GRHL2: variants seen among roughly 807,000 people sequenced by gnomAD.
GRHL2 encodes the protein grainyhead like transcription factor 2.
A neutral mutation model predicts 83.8 loss-of-function variants in GRHL2; 21 were observed. The observed-to-expected ratio is 0.25, with a 90% CI of 0.18 to 0.36. The LOEUF is 0.36. GRHL2 is among the 10% of genes least tolerant of loss of function. The pLI is 1.00. For missense variants in GRHL2, 623 were observed against 781.8 expected (o/e 0.80, Z 2.42); for synonymous variants, 280 against 278.9 (o/e 1.00, Z -0.04).
chr8:101,602,719 G>A (rs868796169), intron 8 of GRHL2, among the ~76,000 whole-genome samples: 28 of 152,134 alleles, frequency 1.8e-4, no homozygotes, highest in African/African-American at 6.5e-4. Context: ...GCTTTCTCTA[G>A]CATTCTGCAT....
At chr8:101,664,224 G>A (rs182046639) in intron 14 of GRHL2, among the ~76,000 whole-genome samples, 6 of 152,266 alleles carry the variant, frequency 3.9e-5, no homozygotes, top group African/African-American at 1.2e-4. Context: ...GACCTGGAAC[G>A]CTACTTTTAT....
chr8:101,557,748 T>TGA (rs1811517321), intron 3 of GRHL2, among the ~76,000 whole-genome samples: 1 of 152,234 alleles, frequency 6.6e-6, no homozygotes, highest in South Asian at 2.1e-4. Flanking sequence ...GTCAGTAGGA[T>TGA]GTGCTGCATT....
chr8:101,497,244 G>A (rs1208110574), intron 1 of GRHL2, among the ~76,000 whole-genome samples: 1 of 152,122 alleles, frequency 6.6e-6, no homozygotes, highest in Non-Finnish European at 1.5e-5. Context: ...CCTCAGACAC[G>A]CCCACCTCCC....
chr8:101,565,756 C>T (rs184295265), intron 4 of GRHL2, among the ~76,000 whole-genome samples: 75 of 152,262 alleles, frequency 4.9e-4, no homozygotes, highest in African/African-American at 1.7e-3. Context: ...TTTAATTCTC[C>T]CATTAGTCCT....
At chr8:101,678,500 TG>T in the GRHL2 span, among the ~76,000 whole-genome samples, 5,804 of 151,792 alleles carry the variant, frequency 0.038, 372 homozygotes, top group African/African-American at 0.13. Context: ...GCAGCGAGGC[TG>T]GGGAGGGGCG....
At chr8:101,529,485 C>A in intron 1 of GRHL2, 1 of 174,586 alleles carries the variant, frequency 5.7e-6, no homozygotes, top group South Asian at 1.3e-4. Flanking sequence ...GTTTCATTTC[C>A]TTGGTCTCCA....
intron 4 of GRHL2, 47 bp downstream of exon 4, chr8:101,558,859 C>T (rs768988232): frequency 1.2e-4 from 184 of 1,596,278 alleles, no homozygotes; most frequent in Non-Finnish European, 1.6e-4. Context: ...CCCAGAGCCC[C>T]TAGCTAATTT....
At position 101,632,384 on chromosome 8, in the gene GRHL2, C is replaced by T. The variant is rs770025675; in HGVS notation, c.1485+19C>T. ...CGGACAGGTATGACCTACCAGCTAA[C>T]GCCCACCTCCCATCCATCCACAGGG... On this transcript the variant is annotated intron_variant, in intron 11 of 15. Transcript: ENST00000646743. The T allele has an allele frequency of 4.3e-5, 70 of 1,613,618 alleles. No individual in the cohort carries two copies. In the Middle Eastern group the frequency reaches 8.2e-4, roughly 19 times the overall value.
At chr8:101,645,300 T>G (rs1289506667) in intron 13 of GRHL2, among the ~76,000 whole-genome samples, 1 of 151,856 alleles carries the variant, frequency 6.6e-6, no homozygotes, top group African/African-American at 2.4e-5. Flanking sequence ...GCCCAGCTAA[T>G]TTTTGTATTT....
chr8:101,529,002 C>T, intron 1 of GRHL2: 1 of 379,984 alleles, frequency 2.6e-6, no homozygotes, highest in African/African-American at 2.1e-5. Flanking sequence ...TTCTCTCTCC[C>T]TGTGGTATTT....
At chr8:101,573,135 CT>C (rs1334356574) in intron 5 of GRHL2, among the ~76,000 whole-genome samples, 3 of 151,372 alleles carry the variant, frequency 2.0e-5, no homozygotes, top group Non-Finnish European at 4.4e-5. Context: ...AAAGTACTCC[CT>C]GTTATTAGGG....
intron 1 of GRHL2, among the ~76,000 whole-genome samples, chr8:101,500,438 C>T (rs1810202753): frequency 6.6e-6 from 1 of 152,132 alleles, no homozygotes; most frequent in Non-Finnish European, 1.5e-5. Context: ...ACCAGGAGAG[C>T]ACATTTTATG....
chr8:101,499,072 C>CA (rs397965242), intron 1 of GRHL2, among the ~76,000 whole-genome samples: 12,152 of 91,060 alleles, frequency 0.13, 799 homozygotes, highest in East Asian at 0.27. Flanking sequence ...GACTCCGTCT[C>CA]AAAAAAAAAA....
chr8:101,645,233 A>T (rs1813488063), intron 13 of GRHL2, among the ~76,000 whole-genome samples: 1 of 148,604 alleles, frequency 6.7e-6, no homozygotes, highest in South Asian at 2.2e-4. Context: ...CCTGGGTTCA[A>T]GTGATTCTCC....
intron 8 of GRHL2, among the ~76,000 whole-genome samples, chr8:101,615,447 A>G (rs1018815360): frequency 8.5e-5 from 13 of 152,318 alleles, no homozygotes; most frequent in South Asian, 2.1e-4. Flanking sequence ...AATATTCATC[A>G]GAACACTTTT....
At chr8:101,634,332 T>G (rs1025445262) in intron 11 of GRHL2, among the ~76,000 whole-genome samples, 1 of 152,200 alleles carries the variant, frequency 6.6e-6, no homozygotes, top group African/African-American at 2.4e-5. Flanking sequence ...CTGGCTTAGC[T>G]GAAGGAAAGG....
At chr8:101,551,896 C>A (rs1157996558) in intron 2 of GRHL2, among the ~76,000 whole-genome samples, 1 of 150,096 alleles carries the variant, frequency 6.7e-6, no homozygotes, top group Non-Finnish European at 1.5e-5. Flanking sequence ...AGTGCAGTGG[C>A]GCGATCTCGG....
At chr8:101,678,680 C>T in the GRHL2 span, among the ~76,000 whole-genome samples, 2 of 151,314 alleles carry the variant, frequency 1.3e-5, no homozygotes, top group African/African-American at 2.4e-5. Flanking sequence ...TTAAATGTCC[C>T]TGTCTGACAG....
chr8:101,554,914 C>T (rs1282315852), intron 3 of GRHL2, among the ~76,000 whole-genome samples: 1 of 152,084 alleles, frequency 6.6e-6, no homozygotes, highest in African/African-American at 2.4e-5. Flanking sequence ...GCTTCAAAAG[C>T]TAAAACTGTT....
Sources: allele counts gnomAD v4.1 joint callset (sites outside exome capture counted in the v4.1 genomes callset), GRCh38; gene constraint gnomAD v4.1.1; transcripts MANE v1.5; gene names NCBI Gene and HGNC (gene_info 2026-07-23, HGNC 2026-07-21).